CRB1: variants seen among roughly 807,000 people sequenced by gnomAD.
The protein encoded by CRB1 is crumbs cell polarity complex component 1.
A neutral mutation model predicts 120.0 loss-of-function variants in CRB1; 83 were observed. That is an observed-to-expected ratio of 0.69 (90% CI 0.58 to 0.83). The LOEUF (loss-of-function observed/expected upper bound fraction) is 0.83. CRB1 is among the 40% of genes least tolerant of loss of function. The probability of loss-of-function intolerance (pLI) is 0.00; values close to 1 mark genes in which losing one functional copy is unlikely to be tolerated. For missense variants in CRB1, 1,699 were observed against 1,687.6 expected (o/e 1.01, Z -0.12); for synonymous variants, 625 against 612.5 (o/e 1.02, Z -0.30).
intron 5 of CRB1, among the ~76,000 whole-genome samples, chr1:197,387,650 T>C (rs919870133): frequency 2.6e-5 from 4 of 152,088 alleles, no homozygotes; most frequent in African/African-American, 9.7e-5. Context: ...GATTATTTTA[T>C]TTAATTTTAT....
intron 5 of CRB1, among the ~76,000 whole-genome samples, chr1:197,394,911 T>A (rs186238838): frequency 6.6e-6 from 1 of 152,098 alleles, no homozygotes; most frequent in Non-Finnish European, 1.5e-5. Flanking sequence ...ATCTCCAAGT[T>A]ATTTCTCTAT....
At chr1:197,253,164 A>G in the CRB1 span, among the ~76,000 whole-genome samples, 7 of 152,132 alleles carry the variant, frequency 4.6e-5, no homozygotes, top group East Asian at 1.9e-4. Context: ...TTTCAGACAT[A>G]CCATTCGTTA....
At position 197,296,780 on chromosome 1, in the gene CRB1, A is replaced by G. The variant is rs544196456; in HGVS notation, c.70+28298A>G. Among the ~76,000 whole-genome samples the G allele has an allele frequency of 9.9e-5, 15 of 152,178 alleles. No homozygotes were observed. In the South Asian group the frequency reaches 2.5e-3, roughly 25 times the overall value. On this transcript the variant is annotated intron_variant, in intron 1 of 11. Transcript: ENST00000367400. ...CCCCATACTGTTCTCATGGTAGTGAATAAGTCTCACAAGATCTGATGGTTT... is the reference window on the plus strand; with the variant it reads ...CCCCATACTGTTCTCATGGTAGTGAGTAAGTCTCACAAGATCTGATGGTTT...
the CRB1 span, among the ~76,000 whole-genome samples, chr1:197,239,308 A>G: frequency 6.6e-6 from 1 of 152,118 alleles, no homozygotes; most frequent in Non-Finnish European, 1.5e-5. Context: ...TGATATTAAA[A>G]TATCAAAAAT....
At chr1:197,252,582 A>ATATGTGTGTGTGTG in the CRB1 span, among the ~76,000 whole-genome samples, 12 of 15,496 alleles carry the variant, frequency 7.7e-4, no homozygotes, top group East Asian at 5.2e-3. Flanking sequence ...ATATATATAT[A>ATATGTGTGTGTGTG]TGTGTGTGTG....
intron 11 of CRB1, among the ~76,000 whole-genome samples, chr1:197,453,684 C>G (rs1013361185): frequency 6.8e-6 from 1 of 146,720 alleles, no homozygotes; most frequent in Admixed American, 6.9e-5. Flanking sequence ...TCAGGCAATA[C>G]TCCTTCCTCA....
intron 11 of CRB1, among the ~76,000 whole-genome samples, chr1:197,457,985 A>T (rs1186613003): frequency 6.6e-6 from 1 of 152,110 alleles, no homozygotes; most frequent in Non-Finnish European, 1.5e-5. Context: ...GTTGATTATT[A>T]GTTCTTCTTA....
intron 5 of CRB1, among the ~76,000 whole-genome samples, chr1:197,365,083 T>G (rs1660988879): frequency 6.6e-6 from 1 of 152,258 alleles, no homozygotes; most frequent in Non-Finnish European, 1.5e-5. Flanking sequence ...GTGGGTCCAA[T>G]GATCAGTTTA....
At position 197,308,699 on chromosome 1, in the gene CRB1, A is replaced by G. The variant is rs73069837; in HGVS notation, c.71-19723A>G. 9.9e-3 allele frequency among the ~76,000 whole-genome samples: 1,512 copies of G among 151,988 alleles called. 26 individuals carry two copies. The highest frequency in any genetic ancestry group is 0.033 in the African/African-American group (1,372 of 41,506). On this transcript the variant is annotated intron_variant, in intron 1 of 11. Transcript: ENST00000367400. ...GTTGTATGATGAGGATTAAAATTTA[A>G]AATGTCTGGTTTAATAGGTCCTTAA...
chr1:197,213,905 T>C, the CRB1 span, among the ~76,000 whole-genome samples: 4 of 151,966 alleles, frequency 2.6e-5, no homozygotes, highest in Admixed American at 6.6e-5. Flanking sequence ...GTGAAACTTA[T>C]AAACACCTAC....
intron 5 of CRB1, among the ~76,000 whole-genome samples, chr1:197,390,199 C>T (rs1056274259): frequency 3.5e-5 from 5 of 141,216 alleles, no homozygotes; most frequent in Admixed American, 7.3e-5. Flanking sequence ...GGGGGTGGGG[C>T]GGGAAATATA....
intron 1 of CRB1, among the ~76,000 whole-genome samples, chr1:197,294,652 A>G (rs1021008648): frequency 1.3e-5 from 2 of 152,170 alleles, no homozygotes; most frequent in Non-Finnish European, 2.9e-5. Flanking sequence ...ACTTGGAACC[A>G]ACCCAAATGT....
At chr1:197,423,012 G>T (rs1420255844) in intron 6 of CRB1, among the ~76,000 whole-genome samples, 1 of 151,996 alleles carries the variant, frequency 6.6e-6, no homozygotes. Flanking sequence ...GTATCTACTA[G>T]CTCTACGTAA....
At chr1:197,258,776 T>C in the CRB1 span, among the ~76,000 whole-genome samples, 1 of 152,194 alleles carries the variant, frequency 6.6e-6, no homozygotes, top group African/African-American at 2.4e-5. Context: ...TGGATCTTTG[T>C]ATTTTTATCA....
chr1:197,256,510 T>C, the CRB1 span, among the ~76,000 whole-genome samples: 1 of 152,272 alleles, frequency 6.6e-6, no homozygotes, highest in Admixed American at 6.5e-5. Context: ...TATGTACTTA[T>C]ATGTTTAAGA....
chr1:197,444,586 C>T (rs1381244929), intron 11 of CRB1: 1 of 152,150 alleles, frequency 6.6e-6, no homozygotes, highest in Non-Finnish European at 1.5e-5. Flanking sequence ...TGTTCTCTAC[C>T]AAATGTGGTT....
intron 1 of CRB1, among the ~76,000 whole-genome samples, chr1:197,298,558 T>C (rs1656675270): frequency 6.6e-6 from 1 of 152,012 alleles, no homozygotes; most frequent in South Asian, 2.1e-4. Context: ...TTGAGGAGAA[T>C]AACAAAGAAT....
At chr1:197,358,697 G>T (rs937042795) in intron 5 of CRB1, among the ~76,000 whole-genome samples, 3 of 152,128 alleles carry the variant, frequency 2.0e-5, no homozygotes, top group Non-Finnish European at 4.4e-5. Context: ...GTGCTCTTAT[G>T]AAGCAAGCTA....
rs1052122503 is a variant in CRB1 at position 197,344,021 on chromosome 1, C to T, written c.653-260C>T. Reference sequence around the variant, plus strand: ...AGTGCAGTTAACAATAAACTTTGTTCTAAAAATGACTTATTTGTTTTCACG... The same window carrying T: ...AGTGCAGTTAACAATAAACTTTGTTTTAAAAATGACTTATTTGTTTTCACG... On this transcript the variant is annotated intron_variant, in intron 2 of 11. Transcript: ENST00000367400. 2.0e-5 allele frequency among the ~76,000 whole-genome samples: 3 copies of T among 152,192 alleles called. 1 individual carries two copies. Among genetic ancestry groups the T allele is most frequent in the South Asian group, 4.1e-4 (2 of 4,836 alleles).
Sources: allele counts gnomAD v4.1 joint callset (sites outside exome capture counted in the v4.1 genomes callset), GRCh38; gene constraint gnomAD v4.1.1; transcripts MANE v1.5; gene names NCBI Gene and HGNC (gene_info 2026-07-23, HGNC 2026-07-21).